Variants in MED12L observed in about 807,000 individuals in gnomAD.
MED12L encodes the protein mediator of RNA polymerase II transcription subunit 12-like protein.
A neutral mutation model predicts 281.3 loss-of-function variants in MED12L; 60 were observed. That is an observed-to-expected ratio of 0.21 (90% confidence interval 0.17 to 0.26). The LOEUF (loss-of-function observed/expected upper bound fraction) is 0.26. Among genes scored for constraint, MED12L ranks in the 10% least tolerant of loss-of-function variants. The pLI, the probability that MED12L is intolerant of heterozygous loss-of-function variation, is 1.00. For missense variants in MED12L, 2,146 were observed against 2,680.9 expected, an observed-to-expected ratio of 0.80 and a Z score of 4.41; for synonymous variants, 974 against 987.2, an observed-to-expected ratio of 0.99 and a Z score of 0.25.
At chr3:151,290,999 A>G (rs1021670662) in intron 16 of MED12L, among the ~76,000 whole-genome samples, 3 of 152,122 alleles carry the variant, frequency 2.0e-5, no homozygotes, top group African/African-American at 7.2e-5. Context: ...GGGTATCCAG[A>G]GATTCTTTTA....
intron 16 of MED12L, among the ~76,000 whole-genome samples, chr3:151,223,175 C>CAAAAAAAAAAAAAA (rs10646837): frequency 7.9e-6 from 1 of 127,124 alleles, no homozygotes; most frequent in African/African-American, 2.9e-5. Context: ...TTAAAAAGTC[C>CAAAAAAAAAAAAAA]AAAAAAAAAA....
chr3:151,226,921 T>G (rs1730608129), intron 16 of MED12L, among the ~76,000 whole-genome samples: 1 of 152,220 alleles, frequency 6.6e-6, no homozygotes, highest in African/African-American at 2.4e-5. Context: ...GTGGAAACTC[T>G]TCTGCAGGGA....
At chr3:151,141,166 G>GTTTTTTTTTT (rs750239134) in intron 5 of MED12L, among the ~76,000 whole-genome samples, 55 of 98,086 alleles carry the variant, frequency 5.6e-4, no homozygotes, top group African/African-American at 2.7e-3. Flanking sequence ...CGTGCCTGGC[G>GTTTTTTTTTT]TTTTTTTTTT....
At chr3:151,307,496 A>T (rs1438459475) in intron 16 of MED12L, among the ~76,000 whole-genome samples, 1 of 151,126 alleles carries the variant, frequency 6.6e-6, no homozygotes, top group Non-Finnish European at 1.5e-5. Context: ...AACAATTTAG[A>T]GTTAAATTTT....
At chr3:151,164,156 T>C (rs1404098748) in intron 9 of MED12L, 114 bp downstream of exon 9, 7 of 1,155,590 alleles carry the variant, frequency 6.1e-6, no homozygotes, top group Admixed American at 4.8e-5. Flanking sequence ...ATCCCAGTTT[T>C]GCCTGCTAAC....
At position 151,159,895 on chromosome 3, in the gene MED12L, C is replaced by T. The variant is rs1719761025; in HGVS notation, c.901C>T (p.Arg301Cys). ...TCGTCTTGCCTACTTTTGTGCCCGGCGTCTTTCCTTGCTGCTGAGCGATAG... is the reference window on the plus strand; with the variant it reads ...TCGTCTTGCCTACTTTTGTGCCCGGTGTCTTTCCTTGCTGCTGAGCGATAG... ...SRRLAYFCAR[R>C]LSLLLSDSPN... Residue 301 changes from arginine to cysteine, a missense_variant, in exon 8 of 45, where the codon CGT becomes TGT. Around this residue, in one of 9 missense-constraint regions of MED12L, gnomAD observed 722 missense variants for 861.2 expected, o/e 0.84. Coordinates refer to ENST00000687756, the MANE Select transcript of MED12L (RefSeq NM_001393769.1). 2 of 1,614,202 alleles carry T rather than the reference C, an allele frequency of 1.2e-6. No individual in the cohort carries two copies. The highest frequency in any genetic ancestry group is 1.7e-6 in the Non-Finnish European group (2 of 1,180,012).
At chr3:151,109,786 G>A (rs992472974) in intron 2 of MED12L, among the ~76,000 whole-genome samples, 8 of 152,160 alleles carry the variant, frequency 5.3e-5, no homozygotes, top group Admixed American at 1.3e-4. Context: ...TATTAAAAGT[G>A]CTTTATTTTT....
chr3:151,390,236 A>G (rs941320395), intron 38 of MED12L, 101 bp downstream of exon 38: 1 of 1,108,278 alleles, frequency 9.0e-7, no homozygotes, highest in South Asian at 1.4e-5. Flanking sequence ...CATTTCAACC[A>G]CTGAGTGCTC....
chr3:151,248,890 C>G (rs570638376), intron 16 of MED12L: 1 of 152,312 alleles, frequency 6.6e-6, no homozygotes, highest in Admixed American at 6.5e-5. Flanking sequence ...TTTAGGTTCT[C>G]TGTAGGCAAG....
At chr3:151,412,882 C>T (rs567306973) in intron 41 of MED12L, among the ~76,000 whole-genome samples, 4 of 152,170 alleles carry the variant, frequency 2.6e-5, no homozygotes, top group Non-Finnish European at 4.4e-5. Flanking sequence ...TAATATTCCT[C>T]GTTGTTAAAA....
intron 39 of MED12L, among the ~76,000 whole-genome samples, chr3:151,399,255 G>A (rs956552716): frequency 5.3e-5 from 8 of 152,164 alleles, no homozygotes; most frequent in Non-Finnish European, 8.8e-5. Context: ...CTCATAGTAA[G>A]TGCTCAAAAA....
At chr3:151,341,531 G>A (rs986895280) in intron 16 of MED12L, among the ~76,000 whole-genome samples, 19 of 151,444 alleles carry the variant, frequency 1.3e-4, no homozygotes, top group Non-Finnish European at 2.5e-4. Flanking sequence ...TATGTTAGGG[G>A]TGAGATTGAA....
At chr3:151,367,389 G>GT (rs961567122) in intron 23 of MED12L, among the ~76,000 whole-genome samples, 3 of 152,104 alleles carry the variant, frequency 2.0e-5, no homozygotes, top group Non-Finnish European at 4.4e-5. Context: ...TTGTTGTTGT[G>GT]TTTTTCATTT....
intron 16 of MED12L, among the ~76,000 whole-genome samples, chr3:151,218,726 G>T (rs1475366967): frequency 1.3e-5 from 2 of 151,750 alleles, no homozygotes; most frequent in Admixed American, 1.3e-4. Flanking sequence ...AATTAGCCAG[G>T]TGTGGTGGCA....
At chr3:151,264,533 C>A (rs1739474831) in intron 16 of MED12L, among the ~76,000 whole-genome samples, 1 of 152,156 alleles carries the variant, frequency 6.6e-6, no homozygotes, top group African/African-American at 2.4e-5. Context: ...TAACCATAAC[C>A]CAGTATGGAG....
intron 16 of MED12L, among the ~76,000 whole-genome samples, chr3:151,226,187 A>G (rs1427960611): frequency 6.6e-6 from 1 of 152,212 alleles, no homozygotes; most frequent in Non-Finnish European, 1.5e-5. Flanking sequence ...TGGTGGCATC[A>G]GGGCAGCCTT....
intron 27 of MED12L, among the ~76,000 whole-genome samples, chr3:151,375,061 T>G (rs537573909): frequency 1.3e-5 from 2 of 152,386 alleles, no homozygotes; most frequent in South Asian, 4.1e-4. Context: ...CATAGTCATA[T>G]AAGTATTGAG....
At chr3:151,116,525 T>C (rs1355271433) in intron 3 of MED12L, 83 bp downstream of exon 3, 1 of 894,638 alleles carries the variant, frequency 1.1e-6, no homozygotes, top group Non-Finnish European at 1.8e-6. Context: ...GATAAATTAG[T>C]GTTGTTTAAG....
chr3:151,390,349 T>C (rs1274385928), intron 38 of MED12L, among the ~76,000 whole-genome samples: 6 of 152,246 alleles, frequency 3.9e-5, no homozygotes, highest in Admixed American at 3.9e-4. Flanking sequence ...TTATTTAGTG[T>C]TAAAAGGAAA....
Sources: gnomAD v4.1 joint callset for allele counts (sites outside exome capture counted in the v4.1 genomes callset) on GRCh38, gnomAD v4.1.1 for gene constraint, gnomAD v4.1.1 regional missense constraint, MANE v1.5 for transcripts, NCBI Gene and HGNC (gene_info 2026-07-23, HGNC 2026-07-21) for gene names.